CSMD1: variants seen among roughly 807,000 people sequenced by gnomAD.
CSMD1 encodes the protein CUB and Sushi multiple domains 1.
A neutral mutation model predicts 417.5 loss-of-function variants in CSMD1; 213 were observed. The observed-to-expected ratio is 0.51, with a 90% CI of 0.46 to 0.57. The LOEUF (loss-of-function observed/expected upper bound fraction) is 0.57, where lower values mean the gene tolerates loss of function less well. Ranked by LOEUF, CSMD1 falls within the 20% of genes least tolerant of loss-of-function variation. The pLI, the probability that CSMD1 is intolerant of heterozygous loss-of-function variation, is 0.00. For missense variants in CSMD1, 6,923 were observed against 4,529.7 expected, an observed-to-expected ratio of 1.53 and a Z score of -15.17; for synonymous variants, 2,862 against 1,736.8, an observed-to-expected ratio of 1.65 and a Z score of -16.11.
intron 3 of CSMD1, among the ~76,000 whole-genome samples, chr8:4,036,854 C>G (rs1179830432): frequency 6.6e-6 from 1 of 152,218 alleles, no homozygotes; most frequent in Non-Finnish European, 1.5e-5. Context: ...CTTACCATCT[C>G]TGCATGAGGT....
rs191069460 is a variant in CSMD1 at position 3,898,699 on chromosome 8, T to C, written c.818+99204A>G. 2.2e-3 allele frequency among the ~76,000 whole-genome samples: 331 copies of C among 152,340 alleles called. 1 individual carries two copies. Among genetic ancestry groups the C allele is most frequent in the African/African-American group, 7.6e-3 (314 of 41,588 alleles). Reference sequence around the variant, plus strand: ...TTTGTTTCTCATTCAGAGTTCAGAATGGACAGGTGTAGGAATTCCTGAGCA... The same window carrying C: ...TTTGTTTCTCATTCAGAGTTCAGAACGGACAGGTGTAGGAATTCCTGAGCA... On this transcript the variant is annotated intron_variant, in intron 5 of 69. Transcript: ENST00000635120.
intron 3 of CSMD1, among the ~76,000 whole-genome samples, chr8:4,161,929 A>G (rs1294909141): frequency 2.0e-5 from 3 of 152,168 alleles, no homozygotes; most frequent in Non-Finnish European, 4.4e-5. Flanking sequence ...CCTTTCGTTT[A>G]AATATTCAGT....
At chr8:3,636,076 A>T (rs892069873) in intron 7 of CSMD1, among the ~76,000 whole-genome samples, 4 of 151,756 alleles carry the variant, frequency 2.6e-5, no homozygotes, top group Admixed American at 6.6e-5. Flanking sequence ...CTATTTTATT[A>T]TTTTTTTGTA....
chr8:3,857,592 G>A (rs925981098), intron 5 of CSMD1, among the ~76,000 whole-genome samples: 10 of 152,142 alleles, frequency 6.6e-5, no homozygotes, highest in Admixed American at 1.3e-4. Context: ...CTGTGTAGAC[G>A]TGAGGTTTGT....
chr8:3,157,570 G>C (rs1185725381), intron 39 of CSMD1, among the ~76,000 whole-genome samples: 1 of 152,174 alleles, frequency 6.6e-6, no homozygotes, highest in African/African-American at 2.4e-5. Context: ...CAGACTTTCA[G>C]ACCAGCTGCA....
In CSMD1 at chr8:4,142,972, C is replaced by T. The variant is rs1048677237; in HGVS notation, c.416-110873G>A. On this transcript the variant is annotated intron_variant, in intron 3 of 69. Coordinates refer to ENST00000635120, the MANE Select transcript of CSMD1 (RefSeq NM_033225.6). The stretch of plus-strand genomic sequence containing the variant: ...AGAAATACCCAGAAACTATCAGATG[C>T]TTAGTTTTCAAACTGATTGAAAAAA... Among the ~76,000 whole-genome samples the T allele has an allele frequency of 6.2e-5, 9 of 146,086 alleles. 1 individual carries two copies. Among genetic ancestry groups the T allele is most frequent in the Non-Finnish European group, 9.0e-5 (6 of 67,038 alleles).
intron 1 of CSMD1, among the ~76,000 whole-genome samples, chr8:4,733,650 C>T (rs893392645): frequency 6.6e-6 from 1 of 152,218 alleles, no homozygotes; most frequent in Non-Finnish European, 1.5e-5. Flanking sequence ...GCATTTTTAA[C>T]ACATCTGAAC....
At chr8:3,302,387 C>G (rs1804484726) in intron 25 of CSMD1, among the ~76,000 whole-genome samples, 1 of 152,146 alleles carries the variant, frequency 6.6e-6, no homozygotes, top group African/African-American at 2.4e-5. Context: ...CTGAGTTTCC[C>G]TGGCTGCCTA....
At chr8:4,446,349 A>T (rs1585088945) in intron 2 of CSMD1, among the ~76,000 whole-genome samples, 1 of 152,046 alleles carries the variant, frequency 6.6e-6, no homozygotes, top group Non-Finnish European at 1.5e-5. Flanking sequence ...GGAGTTTGAA[A>T]CCAGCCTGGG....
chr8:3,091,447 T>C, intron 48 of CSMD1, 69 bp downstream of exon 48: 6 of 1,165,186 alleles, frequency 5.1e-6, no homozygotes, highest in Non-Finnish European at 7.1e-6. Flanking sequence ...TCTATTTAAA[T>C]TGTTTTATTC....
chr8:3,286,296 T>C (rs970667390), intron 25 of CSMD1, among the ~76,000 whole-genome samples: 2 of 152,194 alleles, frequency 1.3e-5, no homozygotes, highest in African/African-American at 4.8e-5. Context: ...TACGTGTGCA[T>C]GTGTCTTTAT....
At chr8:3,059,815 T>C (rs964605050) in intron 49 of CSMD1, among the ~76,000 whole-genome samples, 2 of 152,078 alleles carry the variant, frequency 1.3e-5, no homozygotes, top group African/African-American at 4.8e-5. Context: ...AAAGACTTTA[T>C]GTGCAAGCAA....
chr8:4,799,397 C>T (rs1469113466), intron 1 of CSMD1, among the ~76,000 whole-genome samples: 1 of 151,506 alleles, frequency 6.6e-6, no homozygotes, highest in Non-Finnish European at 1.5e-5. Context: ...AAATAGTCAT[C>T]CTCAGCCCGG....
At position 4,938,156 on chromosome 8, in the gene CSMD1, A is replaced by G. The variant is rs560632876; in HGVS notation, c.85+56176T>C. ...CATTGGTGCACTGATGTCAGAACAT[A>G]ATAGAGTTGGGGAAATATAGAAATA... On this transcript the variant is annotated intron_variant, in intron 1 of 69. Transcript: ENST00000635120. Among the ~76,000 whole-genome samples, 6 of 152,330 alleles carry G rather than the reference A, an allele frequency of 3.9e-5. No individual in the cohort carries two copies. In the South Asian group the frequency reaches 1.2e-3, roughly 32 times the overall value.
chr8:4,008,840 G>A (rs768021341), intron 4 of CSMD1, among the ~76,000 whole-genome samples: 3 of 151,786 alleles, frequency 2.0e-5, no homozygotes, highest in African/African-American at 7.3e-5. Context: ...TCGATCTCCT[G>A]ACCTCCTGAT....
At chr8:4,238,300 T>A (rs891226213) in intron 3 of CSMD1, among the ~76,000 whole-genome samples, 1 of 152,188 alleles carries the variant, frequency 6.6e-6, no homozygotes, top group African/African-American at 2.4e-5. Context: ...TGCTTCCTCC[T>A]TCTCAGCTTG....
At chr8:3,264,382 G>T (rs1164478014) in intron 26 of CSMD1, among the ~76,000 whole-genome samples, 1 of 152,006 alleles carries the variant, frequency 6.6e-6, no homozygotes, top group African/African-American at 2.4e-5. Flanking sequence ...ATCTTTTCCT[G>T]TTTCTAAGTC....
rs374521568 is a variant in CSMD1 at position 4,326,205 on chromosome 8, G to T, written c.415+93748C>A. ...GCTCCCTGGGGATGCCAATGCTGCC[G>T]ATTTGGGAACACTGCTTTGAAAACC... On this transcript the variant is annotated intron_variant, in intron 3 of 69. Transcript: ENST00000635120. Among the ~76,000 whole-genome samples, 6 of 152,232 alleles carry T rather than the reference G, an allele frequency of 3.9e-5. No homozygotes were observed. In the East Asian group the frequency reaches 1.2e-3, roughly 29 times the overall value.
At chr8:3,055,822 C>G (rs1319133831) in intron 49 of CSMD1, among the ~76,000 whole-genome samples, 1 of 152,182 alleles carries the variant, frequency 6.6e-6, no homozygotes, top group Non-Finnish European at 1.5e-5. Context: ...ACTTCTGAGT[C>G]AGTTCTTGCT....
Sources: allele counts gnomAD v4.1 joint callset (sites outside exome capture counted in the v4.1 genomes callset), GRCh38; gene constraint gnomAD v4.1.1; transcripts MANE v1.5; gene names NCBI Gene and HGNC (gene_info 2026-07-23, HGNC 2026-07-21).